The following SART3 variants were observed in gnomAD, a reference collection of about 807,000 sequenced individuals.
SART3 encodes spliceosome associated factor 3, U4/U6 recycling protein, also known as HIV-1 Tat-interacting protein of 110kDa.
In SART3, 44 loss-of-function variants were observed where a neutral mutation model predicts 122.3. The ratio of observed to expected loss-of-function variants is 0.36; its 90% CI spans 0.28 to 0.46. SART3 has a LOEUF of 0.46. Among genes scored for constraint, SART3 ranks in the 20% least tolerant of loss-of-function variants. The probability of loss-of-function intolerance (pLI) is 1.00; values close to 1 mark genes in which losing one functional copy is unlikely to be tolerated. For synonymous variants in SART3, 442 were observed against 454.0 expected, an observed-to-expected ratio of 0.97 and a Z score of 0.34; for missense variants, 1,101 against 1,229.0, an observed-to-expected ratio of 0.90 and a Z score of 1.56.
At chr12:108,554,131 C>CCCCCGCCCCCCA (rs11276302) in intron 1 of SART3, 107 of 143,308 alleles carry the variant, frequency 7.5e-4, no homozygotes, top group Non-Finnish European at 1.0e-3. Flanking sequence ...TCAGAGGGCG[C>CCCCCGCCCCCCA]CCCCGGCCCC....
At chr12:108,560,569 A>C (rs1160331) in intron 1 of SART3, 3 of 456,632 alleles carry the variant, frequency 6.6e-6, no homozygotes, top group African/African-American at 4.0e-5. Context: ...TTGAGCAAGA[A>C]ACTTTCCTCC....
At chr12:108,552,892 T>C (rs2030067143) in intron 1 of SART3, among the ~76,000 whole-genome samples, 1 of 152,022 alleles carries the variant, frequency 6.6e-6, no homozygotes, top group Admixed American at 6.6e-5. Context: ...AAAATGATCT[T>C]GAAAAAGAAT....
chr12:108,546,828 G>A (rs1269652489), intron 3 of SART3, among the ~76,000 whole-genome samples: 5 of 151,994 alleles, frequency 3.3e-5, no homozygotes, highest in Admixed American at 2.6e-4. Context: ...GCCTTAAAAT[G>A]CTTTTTTTTG....
Position 108,526,470 on chromosome 12 carries a change from C to A in SART3, c.1999G>T (p.Ala667Ser). Residue 667 changes from alanine to serine, a missense_variant, in exon 16 of 19, where the codon GCT (alanine) becomes TCT (serine). Transcript: ENST00000546815. ...ACATCTACGGCAGCACATTTCCCAGCGGGCCCTGCTGCTACTTCTACATTT... is the reference window on the plus strand; with the variant it reads ...ACATCTACGGCAGCACATTTCCCAGAGGGCCCTGCTGCTACTTCTACATTT... ...TQNVEVAAGPAGKCAAVDVEP... is the reference protein window; with the variant it reads ...TQNVEVAAGPSGKCAAVDVEP... 2 of 1,614,134 alleles carry A rather than the reference C, an allele frequency of 1.2e-6. No homozygotes were observed. The highest frequency in any genetic ancestry group is 1.7e-6 in the Non-Finnish European group (2 of 1,180,028).
intron 1 of SART3, among the ~76,000 whole-genome samples, chr12:108,551,768 A>G (rs1592774471): frequency 6.6e-6 from 1 of 152,198 alleles, no homozygotes; most frequent in East Asian, 1.9e-4. Flanking sequence ...TTGTGACCAC[A>G]ATGGAATCAA....
chr12:108,544,533 C>G (rs1873315363), intron 4 of SART3, 55 bp from the exon 5 acceptor site: 1 of 1,613,912 alleles, frequency 6.2e-7, no homozygotes, highest in Non-Finnish European at 8.5e-7. Context: ...CAGCTACGGG[C>G]TAAAGAAGCA....
chr12:108,532,189 G>A (rs1390181008), intron 13 of SART3, 33 bp downstream of exon 13: 8 of 1,586,026 alleles, frequency 5.0e-6, no homozygotes, highest in Non-Finnish European at 6.9e-6. Flanking sequence ...AAATGGGTTA[G>A]GCTCCAAGCC....
Position 108,525,987 on chromosome 12 carries a change from CCAAA to C in SART3, c.2370+108_2370+111del, listed in dbSNP as rs537812647. 1.7e-3 allele frequency: 1,608 copies of C among 934,784 alleles called. 5 individuals carry two copies. Among genetic ancestry groups the C allele is most frequent in the Non-Finnish European group, 2.4e-3 (1,458 of 601,246 alleles). 57.9% of individuals were successfully genotyped at this position (934,784 alleles called of 1,614,324 possible). On this transcript the variant is annotated intron_variant, in intron 16 of 18. Coordinates refer to ENST00000546815, the MANE Select transcript of SART3 (RefSeq NM_014706.4). ...CCTTGGCTCACAAGGAAGTTTAGAT[CCAAA>C]CAGAGCGTAAAACTTCCATGTCTAT...
chr12:108,560,825 G>A lies in SART3; in HGVS notation c.312+18C>T. On this transcript the variant is annotated intron_variant, in intron 1 of 18. Transcript: ENST00000546815. ...CCTGAAAGACTGGAAGATGCCCGCTGCCCACCCCCGGGCCCACCTGCTCCT... is the reference window on the plus strand; with the variant it reads ...CCTGAAAGACTGGAAGATGCCCGCTACCCACCCCCGGGCCCACCTGCTCCT... 1 of 1,571,878 alleles carries A rather than the reference G, an allele frequency of 6.4e-7. No individual in the cohort carries two copies. The highest frequency in any genetic ancestry group is 8.7e-7 in the Non-Finnish European group (1 of 1,154,418).
intron 9 of SART3, chr12:108,537,282 A>G (rs773605356): frequency 9.0e-6 from 5 of 554,216 alleles, no homozygotes; most frequent in African/African-American, 1.9e-5. Context: ...GGCAGGAGCC[A>G]GTATAAACGA....
chr12:108,530,772 G>A (rs893130751), intron 14 of SART3, among the ~76,000 whole-genome samples: 4 of 151,996 alleles, frequency 2.6e-5, no homozygotes, highest in Non-Finnish European at 4.4e-5. Flanking sequence ...GCAGAAGAAT[G>A]GCGTGAACCC....
intron 6 of SART3, 56 bp from the exon 7 acceptor site, chr12:108,539,145 C>G (rs1458694864): frequency 2.5e-6 from 4 of 1,594,220 alleles, no homozygotes; most frequent in Non-Finnish European, 3.4e-6. Context: ...CACAACACAT[C>G]TGCAAATAAA....
intron 3 of SART3, among the ~76,000 whole-genome samples, chr12:108,546,942 CTT>C (rs773243898): frequency 4.6e-5 from 7 of 152,216 alleles, no homozygotes; most frequent in Non-Finnish European, 8.8e-5. Flanking sequence ...GCCTCAGCCT[CTT>C]GAGTAGCTGA....
intron 18 of SART3, 112 bp downstream of exon 18, chr12:108,524,204 G>A (rs993490336): frequency 1.1e-6 from 1 of 939,788 alleles, no homozygotes; most frequent in Non-Finnish European, 1.7e-6. Flanking sequence ...AGCACATCTT[G>A]GCTTTTCTGT....
chr12:108,530,105 A>C, intron 15 of SART3, 37 bp downstream of exon 15: 1 of 1,612,638 alleles, frequency 6.2e-7, no homozygotes, highest in Non-Finnish European at 8.5e-7. Flanking sequence ...TCTAACTTTA[A>C]GACGTTTCAA....
Position 108,545,308 on chromosome 12 carries a change from A to T in SART3, c.560T>A (p.Leu187Gln). ...VKDYICPNIW[L>Q]EYGQYSVGGI... ...ACCAACTGAGTACTGGCCATACTCT[A>T]GCCAAATGTTAGGACCTAAAAATAA... is the stretch of plus-strand genomic sequence containing the variant. Residue 187 changes from leucine to glutamine, a missense_variant, in exon 4 of 19, where the codon CTA becomes CAA. Leu to Gln is a moderately radical substitution (Grantham distance 113). This residue lies in a region of SART3 where 885 missense variants were observed against 1,080.1 expected (regional missense o/e 0.82). Coordinates refer to ENST00000546815, the MANE Select transcript of SART3 (RefSeq NM_014706.4). The T allele has an allele frequency of 6.2e-7, 1 of 1,614,208 alleles. No individual in the cohort carries two copies. Among genetic ancestry groups the T allele is most frequent in the Non-Finnish European group, 8.5e-7 (1 of 1,180,002 alleles).
rs753061326 is a variant in SART3, at chr12:108,523,576, C to T, written c.2773G>A (p.Ala925Thr). The T allele has an allele frequency of 1.2e-6, 2 of 1,614,180 alleles. No individual in the cohort carries two copies. Among genetic ancestry groups the T allele is most frequent in the East Asian group, 4.5e-5 (2 of 44,880 alleles). The change falls in exon 19 of 19, where the codon GCT becomes ACT. Residue 925 changes from alanine to threonine, a missense_variant. Around this residue, in one of 2 missense-constraint regions of SART3, gnomAD observed 885 missense variants for 1,080.1 expected, o/e 0.82. Transcript: ENST00000546815. ...LLPRALQRPS[A>T]AAPQAENGPA... ...CCGTTCTCAGCCTGAGGAGCTGCAG[C>T]ACTTGGGCGCTGCAGGGCACGAGGC...
In SART3 at chr12:108,537,507, TCTC is replaced by T; in HGVS notation, c.1287_1289del (p.Arg431del). The T allele has an allele frequency of 1.2e-6, 2 of 1,613,394 alleles. No homozygotes were observed. Among genetic ancestry groups the T allele is most frequent in the Non-Finnish European group, 1.7e-6 (2 of 1,179,368 alleles). On this transcript the variant is annotated inframe_deletion, in exon 9 of 19. Coordinates refer to ENST00000546815, the MANE Select transcript of SART3 (RefSeq NM_014706.4). Reference sequence around the variant, plus strand: ...AAATACCTTGTTTGAAATCAACCCTTCTCCTCAGGTAATCAAGGTATGCCTGCC... The same window carrying T: ...AAATACCTTGTTTGAAATCAACCCTTCTCAGGTAATCAAGGTATGCCTGCC...
At chr12:108,557,825 T>C (rs1384560221) in intron 1 of SART3, among the ~76,000 whole-genome samples, 1 of 152,160 alleles carries the variant, frequency 6.6e-6, no homozygotes, top group Non-Finnish European at 1.5e-5. Flanking sequence ...TGGAAAATAT[T>C]TGCTTTTGTT....
Sources: gnomAD v4.1 joint callset for allele counts (sites outside exome capture counted in the v4.1 genomes callset) on GRCh38, gnomAD v4.1.1 for gene constraint, gnomAD v4.1.1 regional missense constraint, MANE v1.5 for transcripts, NCBI Gene and HGNC (gene_info 2026-07-23, HGNC 2026-07-21) for gene names.